Variants in PDE10A observed in about 807,000 individuals in gnomAD.
PDE10A encodes phosphodiesterase 10A.
A neutral mutation model predicts 97.7 loss-of-function variants in PDE10A; 39 were observed. The ratio of observed to expected loss-of-function variants is 0.40; its 90% CI spans 0.31 to 0.52. The LOEUF is 0.52. Ranked by LOEUF, PDE10A falls within the 20% of genes least tolerant of loss-of-function variation. The probability of loss-of-function intolerance (pLI) is 0.56; values close to 1 mark genes in which losing one functional copy is unlikely to be tolerated. For missense variants in PDE10A, 731 were observed against 1,047.8 expected (o/e 0.70, Z 4.17); for synonymous variants, 371 against 376.8 (o/e 0.98, Z 0.18).
chr6:165,621,771 A>AAGAAG (rs112872551), intron 1 of PDE10A, among the ~76,000 whole-genome samples: 112 of 134,788 alleles, frequency 8.3e-4, no homozygotes, highest in African/African-American at 2.7e-3. Context: ...AAGAAAAAAA[A>AAGAAG]AAGAAGAAGA....
In PDE10A at chr6:165,701,791, ATG is replaced by A. The variant is rs776709357; in HGVS notation, c.-614-158225_-614-158224del. 4.0e-4 allele frequency among the ~76,000 whole-genome samples: 60 copies of A among 150,370 alleles called. 1 individual carries two copies. Among genetic ancestry groups the A allele is most frequent in the South Asian group, 2.1e-3 (10 of 4,714 alleles). On this transcript the variant is annotated intron_variant, in intron 1 of 19. Coordinates refer to the PDE10A transcript ENST00000366882. ...TGTATGTTTGCGTGTGTGTGTGTGC[ATG>A]TGTGTGTGTGTTTGCATTTGTGTGT...
At chr6:165,428,594 C>T in intron 10 of PDE10A, 64 bp downstream of exon 10, 1 of 696,658 alleles carries the variant, frequency 1.4e-6, no homozygotes, top group Non-Finnish European at 2.5e-6. Flanking sequence ...AAATGTTATG[C>T]CATATATTAG....
At chr6:165,631,434 G>A (rs752044885) in intron 1 of PDE10A, among the ~76,000 whole-genome samples, 3 of 152,222 alleles carry the variant, frequency 2.0e-5, no homozygotes, top group Non-Finnish European at 4.4e-5. Flanking sequence ...CATCTATCCT[G>A]AGAGTAGAGG....
rs548471669 is a variant in PDE10A, at chr6:165,977,030, A to T, written c.-615+10499T>A. On this transcript the variant is annotated intron_variant, in intron 1 of 19. Transcript: ENST00000366882. ...GGAGCCAAATGTGAAGATAACTGAA[A>T]GTTCTCTATCTTGTTACAGAACCTG... Among the ~76,000 whole-genome samples, 56 of 152,326 alleles carry T rather than the reference A, an allele frequency of 3.7e-4. No homozygotes were observed. In the East Asian group the frequency reaches 0.01, roughly 28 times the overall value.
chr6:165,878,830 G>A (rs550422667), intron 1 of PDE10A, among the ~76,000 whole-genome samples: 1 of 152,294 alleles, frequency 6.6e-6, no homozygotes. Context: ...CTTTGAAGAT[G>A]GAGGAAGGGG....
chr6:165,698,431 C>G lies in PDE10A; in HGVS notation c.-614-154863G>C, dbSNP rs150730846. On this transcript the variant is annotated intron_variant, in intron 1 of 19. Transcript: ENST00000366882. ...CTGGAGTCTTACATAGGGAACACTA[C>G]TTGTAATCGTAAATGTGAGATGTGG... Among the ~76,000 whole-genome samples, 289 of 152,222 alleles carry G rather than the reference C, an allele frequency of 1.9e-3. 2 individuals are homozygous for G. Among genetic ancestry groups the G allele is most frequent in the African/African-American group, 6.6e-3 (273 of 41,540 alleles).
At chr6:165,558,767 A>G (rs1784380635) in intron 1 of PDE10A, among the ~76,000 whole-genome samples, 1 of 152,134 alleles carries the variant, frequency 6.6e-6, no homozygotes, top group Non-Finnish European at 1.5e-5. Flanking sequence ...CAAAAAACGA[A>G]GGCAAATAAA....
intron 1 of PDE10A, among the ~76,000 whole-genome samples, chr6:165,956,537 C>T (rs1015410273): frequency 8.5e-5 from 13 of 152,190 alleles, no homozygotes; most frequent in African/African-American, 3.1e-4. Context: ...CCATAATATT[C>T]ACCTGCAGGA....
chr6:165,395,288 A>G, intron 14 of PDE10A, 24 bp from the exon 15 acceptor site: 2 of 1,477,418 alleles, frequency 1.4e-6, no homozygotes, highest in Non-Finnish European at 1.9e-6. Context: ...AGGGCAGTTT[A>G]TCACTAAACG....
At chr6:165,690,717 C>G (rs1791248251) in intron 1 of PDE10A, among the ~76,000 whole-genome samples, 2 of 152,256 alleles carry the variant, frequency 1.3e-5, no homozygotes, top group Admixed American at 6.5e-5. Flanking sequence ...GGCATTCACA[C>G]AAGCTCTTAC....
intron 1 of PDE10A, among the ~76,000 whole-genome samples, chr6:165,950,994 T>TA (rs1434117858): frequency 1.3e-5 from 2 of 152,260 alleles, no homozygotes; most frequent in Non-Finnish European, 2.9e-5. Context: ...TTTGGAATGA[T>TA]AAAAATGTGG....
intron 1 of PDE10A, among the ~76,000 whole-genome samples, chr6:165,748,799 G>A (rs1792899792): frequency 7.0e-6 from 1 of 142,564 alleles, no homozygotes; most frequent in South Asian, 2.2e-4. Flanking sequence ...CCAAATTATA[G>A]AAAGAAGTTT....
chr6:165,606,518 G>A (rs1011700177), intron 1 of PDE10A, among the ~76,000 whole-genome samples: 1 of 152,072 alleles, frequency 6.6e-6, no homozygotes, highest in Non-Finnish European at 1.5e-5. Context: ...AAACTTCCAC[G>A]AGTCAGTAAC....
intron 1 of PDE10A, among the ~76,000 whole-genome samples, chr6:165,921,234 T>C (rs1782744072): frequency 6.6e-6 from 1 of 152,220 alleles, no homozygotes; most frequent in Non-Finnish European, 1.5e-5. Context: ...GCCGGTAGAC[T>C]GCATAGAAAC....
chr6:165,794,746 G>A (rs62427296), intron 1 of PDE10A, among the ~76,000 whole-genome samples: 28,334 of 152,170 alleles, frequency 0.19, 2,715 homozygotes, highest in African/African-American at 0.22. Flanking sequence ...TAGATTCCCT[G>A]AGAATTGATG....
intron 1 of PDE10A, among the ~76,000 whole-genome samples, chr6:165,787,992 A>G (rs1025016418): frequency 2.0e-5 from 3 of 152,190 alleles, no homozygotes; most frequent in Admixed American, 6.5e-5. Context: ...ATGTTCCTCA[A>G]TGAGAGTGTG....
chr6:165,639,891 G>A (rs1172904612), intron 1 of PDE10A, among the ~76,000 whole-genome samples: 2 of 152,102 alleles, frequency 1.3e-5, no homozygotes, highest in African/African-American at 4.8e-5. Context: ...AACATAGGGA[G>A]ACCTTGTCTT....
chr6:165,836,070 G>A (rs1311903556), intron 1 of PDE10A, among the ~76,000 whole-genome samples: 1 of 152,142 alleles, frequency 6.6e-6, no homozygotes, highest in Non-Finnish European at 1.5e-5. Context: ...CGCTTTCGCT[G>A]TTTTCTCTGC....
At position 165,662,970 on chromosome 6, in the gene PDE10A, A is replaced by G. The variant is rs943821558; in HGVS notation, c.-159T>C. Among the ~76,000 whole-genome samples the G allele has an allele frequency of 5.1e-4, 76 of 150,484 alleles. No homozygotes were observed. The highest frequency in any genetic ancestry group is 1.8e-3 in the African/African-American group (75 of 41,054). On this transcript the variant is annotated 5_prime_UTR_variant, in exon 1 of 22. Coordinates refer to ENST00000539869, the MANE Select transcript of PDE10A (RefSeq NM_001385079.1). ...CGGTCTTCGGCTTCCCTCCCAGTCT[A>G]GTCTTCACATTGTGCTCGGCTTGGG...
Sources: allele counts gnomAD v4.1 joint callset (sites outside exome capture counted in the v4.1 genomes callset), GRCh38; gene constraint gnomAD v4.1.1; transcripts MANE v1.5; gene names NCBI Gene and HGNC (gene_info 2026-07-23, HGNC 2026-07-21).